The following AGAP1 variants were observed in gnomAD, a reference collection of about 807,000 sequenced individuals.
AGAP1 encodes arf-GAP with GTPase, ANK repeat and PH domain-containing protein 1.
A neutral mutation model predicts 105.3 loss-of-function variants in AGAP1; 29 were observed. The observed-to-expected ratio is 0.28, with a 90% CI of 0.21 to 0.38. The LOEUF is 0.38. AGAP1 is among the 10% of genes least tolerant of loss of function. AGAP1 has a pLI of 1.00. For missense variants in AGAP1, 998 were observed against 1,165.1 expected, an observed-to-expected ratio of 0.86 and a Z score of 2.09; for synonymous variants, 509 against 485.9, an observed-to-expected ratio of 1.05 and a Z score of -0.63.
Position 235,750,582 on chromosome 2 carries a change from G to T in AGAP1, c.673+94G>T. The T allele has an allele frequency of 1.3e-6, 2 of 1,569,446 alleles. No homozygotes were observed. The highest frequency in any genetic ancestry group is 2.2e-5 in the South Asian group (2 of 88,894). The stretch of plus-strand genomic sequence containing the variant: ...CTGCCTGCACTTGTGCATGTGGGTG[G>T]TGGAAATATGTCGTTGATGGGTGGG... On this transcript the variant is annotated intron_variant, in intron 6 of 17. Transcript: ENST00000304032. The surrounding 1 kb of genome is among the most constrained non-coding windows in gnomAD (Gnocchi z 5.3).
chr2:236,057,127 T>C (rs565593683), intron 16 of AGAP1, among the ~76,000 whole-genome samples: 40 of 152,272 alleles, frequency 2.6e-4, no homozygotes, highest in African/African-American at 9.6e-4. Context: ...CCTGACTTTT[T>C]TGGTGGCGTC....
chr2:236,020,545 T>A lies in AGAP1; in HGVS notation c.1646-16016T>A, dbSNP rs2125597402. ...CATCCCCTCTCTGCCACTTCCCAGCTGTGTGGCTTGGGATGCTTTCCTGGG... is the reference window on the plus strand; with the variant it reads ...CATCCCCTCTCTGCCACTTCCCAGCAGTGTGGCTTGGGATGCTTTCCTGGG... On this transcript the variant is annotated intron_variant, in intron 13 of 17. Coordinates refer to ENST00000304032, the MANE Select transcript of AGAP1 (RefSeq NM_001037131.3). The surrounding 1 kb of genome is among the most constrained non-coding windows in gnomAD (Gnocchi z 5.0). 6.6e-6 allele frequency among the ~76,000 whole-genome samples: 1 copy of A among 152,302 alleles called. No homozygotes were observed. Among genetic ancestry groups the A allele is most frequent in the South Asian group, 2.1e-4 (1 of 4,828 alleles).
chr2:235,699,291 C>G (rs1200713323), intron 1 of AGAP1, among the ~76,000 whole-genome samples: 1 of 152,114 alleles, frequency 6.6e-6, no homozygotes. Flanking sequence ...CAGGCAGTGT[C>G]TTTGGTTGCG....
At position 235,734,876 on chromosome 2, in the gene AGAP1, T is replaced by C. The variant is rs1287848016; in HGVS notation, c.311-6087T>C. 6.6e-6 allele frequency among the ~76,000 whole-genome samples: 1 copy of C among 152,142 alleles called. No individual in the cohort carries two copies. The highest frequency in any genetic ancestry group is 2.4e-5 in the African/African-American group (1 of 41,426). ...GGATTGGAGTCTTGGTCCTGCCGCG[T>C]GCTGGCCGTGGAGCTCTTGCTCTGT... On this transcript the variant is annotated intron_variant, in intron 3 of 17. Coordinates refer to ENST00000304032, the MANE Select transcript of AGAP1 (RefSeq NM_001037131.3). This position sits in a 1 kb window ranked among gnomAD's most constrained non-coding sequence, Gnocchi z 5.3.
intron 16 of AGAP1, among the ~76,000 whole-genome samples, chr2:236,102,402 A>T (rs552982034): frequency 2.5e-4 from 34 of 136,620 alleles, no homozygotes; most frequent in African/African-American, 9.1e-4. Context: ...TGGGCGACAG[A>T]GCGAGACTCC....
In AGAP1 at chr2:235,785,998, C is replaced by T. The variant is rs547091320; in HGVS notation, c.674-11761C>T. Among the ~76,000 whole-genome samples, 24 of 152,298 alleles carry T rather than the reference C, an allele frequency of 1.6e-4. No individual in the cohort carries two copies. In the East Asian group the frequency reaches 1.7e-3, roughly 11 times the overall value. ...CCTCACGTGCAGATTGAAGAATTGC[C>T]GGGTGAGCCTTCACCTTCAGGGGAT... On this transcript the variant is annotated intron_variant, in intron 6 of 17. Transcript: ENST00000304032.
intron 2 of AGAP1, among the ~76,000 whole-genome samples, 184 bp downstream of exon 2, chr2:235,709,421 C>T (rs976705023): frequency 2.6e-5 from 4 of 152,128 alleles, no homozygotes; most frequent in Admixed American, 2.6e-4. Context: ...TTCCTGAGTG[C>T]CCCTGGGACA....
rs2059976423 is a variant in AGAP1 at position 236,124,713 on chromosome 2, T to TA, written c.*592dup. ...TTGTACAGCCGAGTTCTTCCCGCAT[T>TA]ACTGCTGTTTAATAGAACGTGATTA... On this transcript the variant is annotated 3_prime_UTR_variant, in exon 18 of 18. Transcript: ENST00000304032. The surrounding 1 kb of genome is among the most constrained non-coding windows in gnomAD (Gnocchi z 5.1). 1 of 156,370 alleles carries TA rather than the reference T, an allele frequency of 6.4e-6. No individual in the cohort carries two copies. Among genetic ancestry groups the TA allele is most frequent in the African/African-American group, 2.4e-5 (1 of 41,476 alleles). The allele number at this position is 156,370 out of a possible 1,614,324, so 9.7% of individuals were successfully genotyped here. A position where few individuals can be genotyped will look rare whatever the true frequency, so the allele number is the denominator to read the frequency against.
Position 235,750,608 on chromosome 2 carries a change from C to A in AGAP1, c.673+120C>A. 1.4e-6 allele frequency: 2 copies of A among 1,438,984 alleles called. No homozygotes were observed. The highest frequency in any genetic ancestry group is 1.9e-6 in the Non-Finnish European group (2 of 1,037,284). The allele number at this position is 1,438,984 out of a possible 1,614,324, so 89.1% of individuals were successfully genotyped here. ...TGGAAATATGTCGTTGATGGGTGGG[C>A]ATTAGTATCGAGAGCAGTCCATTCC... On this transcript the variant is annotated intron_variant, in intron 6 of 17. Transcript: ENST00000304032. The surrounding 1 kb of genome is among the most constrained non-coding windows in gnomAD (Gnocchi z 5.3).
chr2:236,081,748 C>T lies in AGAP1; in HGVS notation c.2114+32467C>T, dbSNP rs533818496. On this transcript the variant is annotated intron_variant, in intron 16 of 17. Coordinates refer to ENST00000304032, the MANE Select transcript of AGAP1 (RefSeq NM_001037131.3). ...AAGTAGAATCCTATTGCTAATGAAACCATATTTTGAACATGAAAATTGTTA... is the reference window on the plus strand; with the variant it reads ...AAGTAGAATCCTATTGCTAATGAAATCATATTTTGAACATGAAAATTGTTA... Among the ~76,000 whole-genome samples, 8 of 146,204 alleles carry T rather than the reference C, an allele frequency of 5.5e-5. No individual in the cohort carries two copies. The South Asian group carries it at 1.8e-3, about 32-fold the overall frequency.
intron 1 of AGAP1, among the ~76,000 whole-genome samples, chr2:235,630,541 G>T (rs935290163): frequency 2.6e-5 from 4 of 152,180 alleles, no homozygotes; most frequent in African/African-American, 9.7e-5. Context: ...AGATGTTTGA[G>T]ATAGGGTTTG....
chr2:235,910,737 G>T (rs1169380930), intron 11 of AGAP1, among the ~76,000 whole-genome samples: 3 of 152,138 alleles, frequency 2.0e-5, no homozygotes, highest in Admixed American at 2.0e-4. Context: ...GTCCAACATG[G>T]TGAAACCCCA....
chr2:235,671,024 A>G, intron 1 of AGAP1: 2 of 1,299,096 alleles, frequency 1.5e-6, no homozygotes, highest in Non-Finnish European at 1.9e-6. Context: ...GCACTCGTCC[A>G]GCGCCGAGAG....
intron 12 of AGAP1, among the ~76,000 whole-genome samples, chr2:235,947,562 A>G (rs1218473333): frequency 6.6e-6 from 1 of 152,240 alleles, no homozygotes; most frequent in Non-Finnish European, 1.5e-5. Flanking sequence ...GTCTTTTTGT[A>G]TAATGACTTA....
chr2:236,026,204 C>G (rs2057047950), intron 13 of AGAP1, among the ~76,000 whole-genome samples: 1 of 152,202 alleles, frequency 6.6e-6, no homozygotes, highest in African/African-American at 2.4e-5. Context: ...ATGTGAAACC[C>G]TGGAAGACAC....
At position 235,900,985 on chromosome 2, in the gene AGAP1, C is replaced by A. The variant is rs967010979; in HGVS notation, c.1156-7753C>A. The stretch of plus-strand genomic sequence containing the variant: ...CCTACCTTGCTATTGTGACTATGAT[C>A]CTTTGGGGAGAAGAGTAATTGTCTT... On this transcript the variant is annotated intron_variant, in intron 10 of 17. Transcript: ENST00000304032. This position sits in a 1 kb window ranked among gnomAD's most constrained non-coding sequence, Gnocchi z 5.5. Among the ~76,000 whole-genome samples the A allele has an allele frequency of 6.6e-6, 1 of 152,146 alleles. No homozygotes were observed. The highest frequency in any genetic ancestry group is 2.4e-5 in the African/African-American group (1 of 41,420).
intron 9 of AGAP1, among the ~76,000 whole-genome samples, chr2:235,857,811 G>A (rs891501620): frequency 6.6e-6 from 1 of 152,232 alleles, no homozygotes; most frequent in Non-Finnish European, 1.5e-5. Context: ...TTTGGGAATT[G>A]ACTGGGTATA....
chr2:235,666,418 T>G (rs558226419), intron 1 of AGAP1, among the ~76,000 whole-genome samples: 5 of 152,258 alleles, frequency 3.3e-5, no homozygotes, highest in Admixed American at 2.0e-4. Context: ...AGCATGTGTC[T>G]TCTTTGCATC....
chr2:235,509,502 G>A (rs1941979640), intron 1 of AGAP1, among the ~76,000 whole-genome samples: 1 of 152,070 alleles, frequency 6.6e-6, no homozygotes, highest in African/African-American at 2.4e-5. Flanking sequence ...CAAAATGTTG[G>A]GATTACAGGT....
Sources: gnomAD v4.1 joint callset for allele counts (sites outside exome capture counted in the v4.1 genomes callset) on GRCh38, gnomAD v4.1.1 for gene constraint, Gnocchi (gnomAD v3.1) non-coding constraint, MANE v1.5 for transcripts, NCBI Gene and HGNC (gene_info 2026-07-23, HGNC 2026-07-21) for gene names.